The following RALYL variants were observed in gnomAD, a reference collection of about 807,000 sequenced individuals.
RALYL encodes the protein RNA-binding Raly-like protein.
A neutral mutation model predicts 35.1 loss-of-function variants in RALYL; 29 were observed. The observed-to-expected ratio is 0.83, with a 90% CI of 0.61 to 1.13. The LOEUF (loss-of-function observed/expected upper bound fraction) is 1.13. Among genes scored for constraint, RALYL ranks in the 50% most tolerant of loss-of-function variants. RALYL has a pLI of 0.00. For missense variants in RALYL, 359 were observed against 360.4 expected (o/e 1.00, Z 0.03); for synonymous variants, 120 against 127.6 (o/e 0.94, Z 0.40).
chr8:84,420,307 C>G (rs1335832450), intron 1 of RALYL, among the ~76,000 whole-genome samples: 1 of 152,110 alleles, frequency 6.6e-6, no homozygotes, highest in Non-Finnish European at 1.5e-5. Flanking sequence ...TGATGATGAG[C>G]ATTTTTTCAT....
chr8:84,425,005 TTGTC>T (rs1422040459), intron 1 of RALYL, among the ~76,000 whole-genome samples: 1 of 152,078 alleles, frequency 6.6e-6, no homozygotes, highest in African/African-American at 2.4e-5. Context: ...GTCTTTTTGT[TTGTC>T]TGTGCCCTGC....
intron 8 of RALYL, among the ~76,000 whole-genome samples, chr8:84,909,993 C>T (rs1044226954): frequency 1.3e-5 from 2 of 152,184 alleles, no homozygotes; most frequent in African/African-American, 4.8e-5. Context: ...GACACTCATA[C>T]TTTGTTTCAA....
At chr8:84,735,809 C>CGAGA (rs766504736) in intron 2 of RALYL, among the ~76,000 whole-genome samples, 2 of 119,046 alleles carry the variant, frequency 1.7e-5, no homozygotes, top group Non-Finnish European at 3.7e-5. Context: ...TCATCCAAAC[C>CGAGA]GCGAGAGAGA....
intron 1 of RALYL, among the ~76,000 whole-genome samples, chr8:84,394,698 G>C (rs1861411625): frequency 6.6e-6 from 1 of 151,846 alleles, no homozygotes; most frequent in South Asian, 2.1e-4. Flanking sequence ...ATAAACCCAT[G>C]ATTGTTTTTA....
intron 1 of RALYL, among the ~76,000 whole-genome samples, chr8:84,314,043 C>T (rs977994451): frequency 2.0e-5 from 3 of 152,074 alleles, no homozygotes; most frequent in Admixed American, 1.3e-4. Flanking sequence ...TGGGGGAGGG[C>T]TCAGGAAACT....
At chr8:84,624,010 C>T (rs10109673) in intron 2 of RALYL, among the ~76,000 whole-genome samples, 11,981 of 152,142 alleles carry the variant, frequency 0.079, 1,192 homozygotes, top group African/African-American at 0.23. Flanking sequence ...CTTGAATAAA[C>T]AAGTCTTGAC....
At chr8:84,878,645 T>G (rs1841640870) in intron 7 of RALYL, among the ~76,000 whole-genome samples, 1 of 149,816 alleles carries the variant, frequency 6.7e-6, no homozygotes, top group African/African-American at 2.4e-5. Flanking sequence ...AATGAGAAGA[T>G]ACTGTAATAA....
chr8:84,903,166 G>A (rs1845959519), intron 8 of RALYL, among the ~76,000 whole-genome samples: 1 of 151,996 alleles, frequency 6.6e-6, no homozygotes, highest in African/African-American at 2.4e-5. Context: ...CTCTTTTGAG[G>A]AATTCTCTGT....
chr8:84,404,943 TA>T (rs1228198992), intron 1 of RALYL, among the ~76,000 whole-genome samples: 1 of 152,142 alleles, frequency 6.6e-6, no homozygotes, highest in African/African-American at 2.4e-5. Context: ...ACTTATTCTA[TA>T]ATTGACCACA....
intron 6 of RALYL, among the ~76,000 whole-genome samples, chr8:84,871,712 C>T (rs1840222107): frequency 6.6e-6 from 1 of 152,074 alleles, no homozygotes; most frequent in African/African-American, 2.4e-5. Context: ...AGGGCCCATG[C>T]TTCTTGCAGT....
intron 1 of RALYL, among the ~76,000 whole-genome samples, chr8:84,364,727 A>G (rs1853842038): frequency 1.3e-5 from 2 of 152,168 alleles, no homozygotes; most frequent in Admixed American, 1.3e-4. Flanking sequence ...TTAAAATTTT[A>G]CAAACAGTAC....
intron 2 of RALYL, among the ~76,000 whole-genome samples, chr8:84,732,683 T>TATATATATATATATACAC: frequency 6.0e-5 from 8 of 133,236 alleles, no homozygotes; most frequent in Middle Eastern, 3.6e-3. Context: ...TATATATATA[T>TATATATATATATATACAC]ACACACACAC....
chr8:84,379,248 T>G (rs1458895826), intron 1 of RALYL, among the ~76,000 whole-genome samples: 1 of 151,964 alleles, frequency 6.6e-6, no homozygotes, highest in African/African-American at 2.4e-5. Flanking sequence ...TGGTTCATCT[T>G]AATTATTTAA....
chr8:84,473,670 T>C (rs2053058449), intron 1 of RALYL, among the ~76,000 whole-genome samples: 1 of 151,862 alleles, frequency 6.6e-6, no homozygotes, highest in African/African-American at 2.4e-5. Context: ...GTTCATTTTG[T>C]GTACATTTTT....
chr8:84,762,425 C>T (rs566030202), intron 2 of RALYL, among the ~76,000 whole-genome samples: 12 of 152,174 alleles, frequency 7.9e-5, no homozygotes, highest in Non-Finnish European at 1.3e-4. Context: ...GTTTTGCTTC[C>T]TTATAGAATT....
At chr8:84,707,426 T>A (rs1841414495) in intron 2 of RALYL, among the ~76,000 whole-genome samples, 1 of 151,940 alleles carries the variant, frequency 6.6e-6, no homozygotes, top group African/African-American at 2.4e-5. Context: ...ATATCCCTCA[T>A]TTTTTTTCCT....
At chr8:84,786,940 G>GA (rs1819627487) in intron 3 of RALYL, among the ~76,000 whole-genome samples, 2 of 152,020 alleles carry the variant, frequency 1.3e-5, no homozygotes, top group Admixed American at 6.6e-5. Flanking sequence ...TATATGCAGA[G>GA]AAAAAAATAG....
At chr8:84,804,907 A>C (rs1586407618) in intron 4 of RALYL, 105 bp downstream of exon 4, 1 of 569,342 alleles carries the variant, frequency 1.8e-6, no homozygotes, top group African/African-American at 2.0e-5. Context: ...CAAAATCATA[A>C]CATATCAGTG....
At chr8:84,206,816 A>G (rs1443817250) in intron 1 of RALYL, among the ~76,000 whole-genome samples, 1 of 152,224 alleles carries the variant, frequency 6.6e-6, no homozygotes, top group Non-Finnish European at 1.5e-5. Context: ...AAAGTTGTGT[A>G]GCTTTATGAA....
Sources: allele counts gnomAD v4.1 joint callset (sites outside exome capture counted in the v4.1 genomes callset), GRCh38; gene constraint gnomAD v4.1.1; transcripts MANE v1.5; gene names NCBI Gene and HGNC (gene_info 2026-07-23, HGNC 2026-07-21).